LSM7: variants seen among roughly 807,000 people sequenced by gnomAD.
The protein encoded by LSM7 is LSM7 homolog, U6 small nuclear RNA and mRNA degradation associated, also known as U6 snRNA-associated Sm-like protein LSm7.
In LSM7, 13 loss-of-function variants were observed where a neutral mutation model predicts 14.1. The ratio of observed to expected loss-of-function variants is 0.92; its 90% confidence interval spans 0.60 to 1.47. The LOEUF (loss-of-function observed/expected upper bound fraction) is 1.47, where lower values mean the gene tolerates loss of function less well. Ranked by LOEUF, LSM7 falls within the 40% of genes most tolerant of loss-of-function variation. The pLI, the probability that LSM7 is intolerant of heterozygous loss-of-function variation, is 0.00. For synonymous variants in LSM7, 70 were observed against 57.1 expected (o/e 1.23, Z -1.02); for missense variants, 108 against 140.8 (o/e 0.77, Z 1.18).
chr19:2,323,138 G>C (rs571480091), intron 3 of LSM7, among the ~76,000 whole-genome samples: 1 of 152,286 alleles, frequency 6.6e-6, no homozygotes, highest in African/African-American at 2.4e-5. Flanking sequence ...GGGACTTGCC[G>C]CAGGAGCTTC....
At chr19:2,324,513 G>C (rs10402823) in intron 2 of LSM7, 1 of 410,838 alleles carries the variant, frequency 2.4e-6, no homozygotes, top group East Asian at 4.1e-5. Context: ...GCTGAACTGC[G>C]GCCGGTCAGC....
intron 3 of LSM7, among the ~76,000 whole-genome samples, chr19:2,322,919 T>C (rs1967955637): frequency 6.6e-6 from 1 of 151,372 alleles, no homozygotes; most frequent in Non-Finnish European, 1.5e-5. Flanking sequence ...GGTCTCACTA[T>C]GTTGCCCAGG....
At chr19:2,323,052 C>T (rs1304499007) in intron 3 of LSM7, among the ~76,000 whole-genome samples, 1 of 152,096 alleles carries the variant, frequency 6.6e-6, no homozygotes, top group African/African-American at 2.4e-5. Flanking sequence ...TCAATGGATC[C>T]AAGGGGCAAG....
chr19:2,326,320 G>GTGTGTGTC (rs2145125589), intron 2 of LSM7, among the ~76,000 whole-genome samples: 1 of 97,784 alleles, frequency 1.0e-5, no homozygotes, highest in East Asian at 3.4e-4. Flanking sequence ...TTTTGTGTGT[G>GTGTGTGTC]TGTGTGTGTG....
intron 3 of LSM7, among the ~76,000 whole-genome samples, chr19:2,322,683 G>C (rs1358841922): frequency 6.6e-6 from 1 of 152,200 alleles, no homozygotes; most frequent in East Asian, 1.9e-4. Context: ...TCCTGCAGTG[G>C]TGGGGGCATG....
At chr19:2,324,735 G>A (rs1967988461) in intron 2 of LSM7, 1 of 157,680 alleles carries the variant, frequency 6.3e-6, no homozygotes, top group Non-Finnish European at 1.4e-5. Context: ...TGCGCCTGAG[G>A]ACGCACCTGA....
At chr19:2,325,197 G>A (rs1164692490) in intron 2 of LSM7, among the ~76,000 whole-genome samples, 1 of 152,104 alleles carries the variant, frequency 6.6e-6, no homozygotes, top group Non-Finnish European at 1.5e-5. Context: ...TCTCTGACCC[G>A]GTGGTGATCT....
rs929289089 is a variant in LSM7, at chr19:2,321,603, C to T, written c.*77G>A. 20 of 1,293,866 alleles carry T rather than the reference C, an allele frequency of 1.5e-5. No individual in the cohort carries two copies. The African/African-American group carries it at 1.9e-4, about 12-fold the overall frequency. 80.1% of individuals were successfully genotyped at this position (1,293,866 alleles called of 1,614,324 possible). On this transcript the variant is annotated 3_prime_UTR_variant, in exon 4 of 4. Transcript: ENST00000252622. The surrounding 1 kb of genome is among the most constrained non-coding windows in gnomAD (Gnocchi z 5.0). The stretch of plus-strand genomic sequence containing the variant: ...GCTTCCGTTCCAGGAGGCGGTACTG[C>T]GGTGGGAGCAGCAGCCAAGTCCGCG...
At chr19:2,325,341 C>A (rs572638888) in intron 2 of LSM7, among the ~76,000 whole-genome samples, 2 of 152,014 alleles carry the variant, frequency 1.3e-5, no homozygotes, top group Non-Finnish European at 2.9e-5. Context: ...CTCCTGCAGC[C>A]GAGGCCCAGC....
chr19:2,324,194 T>C lies in LSM7; in HGVS notation c.100A>G (p.Ser34Gly), dbSNP rs766668227. ...GGGTCGAAGCCCTTCAGGATTCCAC[T>C]GGCTTGGAGAAATCACCGGGGGAGA... ...RVKFQGGREASGILKGFDPLL... is the reference protein window; with the variant it reads ...RVKFQGGREAGGILKGFDPLL... Residue 34 changes from serine (S) to glycine (G), a missense_variant and splice_region_variant, in exon 3 of 4, where the codon AGT becomes GGT. Coordinates refer to ENST00000252622, the MANE Select transcript of LSM7 (RefSeq NM_016199.3). The C allele has an allele frequency of 3.2e-6, 5 of 1,576,912 alleles. No homozygotes were observed. The South Asian group carries it at 5.8e-5, about 18-fold the overall frequency.
chr19:2,325,980 C>G (rs1286458154), intron 2 of LSM7: 1 of 152,324 alleles, frequency 6.6e-6, no homozygotes, highest in Non-Finnish European at 1.5e-5. Flanking sequence ...TGAAACTCAC[C>G]TATAAGATGG....
chr19:2,328,156 G>C, intron 2 of LSM7: 1 of 508,916 alleles, frequency 2.0e-6, no homozygotes, highest in Admixed American at 3.6e-5. Flanking sequence ...ATTAATTCCA[G>C]CTACTCGGGA....
At chr19:2,322,275 C>T (rs927509379) in intron 3 of LSM7, among the ~76,000 whole-genome samples, 1 of 152,088 alleles carries the variant, frequency 6.6e-6, no homozygotes, top group Non-Finnish European at 1.5e-5. Flanking sequence ...CGCGGTGGCT[C>T]ACGCCTGTAA....
rs746708473 is a variant in LSM7, at chr19:2,328,087, C to T, written c.97+300G>A. The T allele has an allele frequency of 2.2e-4, 67 of 298,046 alleles. No homozygotes were observed. In the Middle Eastern group the frequency reaches 3.1e-3, roughly 14 times the overall value. 18.5% of individuals were successfully genotyped at this position (298,046 alleles called of 1,614,324 possible). A position where few individuals can be genotyped will look rare whatever the true frequency, so the allele number is the denominator to read the frequency against. ...CTTGAGGCCAGGAGTTTGAGACCAT[C>T]CTGGCCAACATGGCCTCTCTACTAA... On this transcript the variant is annotated intron_variant, in intron 2 of 3. Coordinates refer to ENST00000252622, the MANE Select transcript of LSM7 (RefSeq NM_016199.3).
intron 2 of LSM7, chr19:2,328,135 T>G: frequency 2.2e-6 from 1 of 446,838 alleles, no homozygotes. Context: ...TAGCCGGGCG[T>G]GGTGGTACAC....
intron 2 of LSM7, among the ~76,000 whole-genome samples, chr19:2,326,312 TTGTGTGTGTGTGTGTGTGTG>T (rs145468909): frequency 0.21 from 26,991 of 129,828 alleles, 2,540 homozygotes; most frequent in East Asian, 0.26. Context: ...TTTCTGCTTT[TTGTGTGTGTGTGTGTGTGTG>T]TGTGTGTGTG....
Position 2,321,899 on chromosome 19 carries a change from C to T in LSM7, c.170-77G>A. 11 of 1,288,296 alleles carry T rather than the reference C, an allele frequency of 8.5e-6. No individual in the cohort carries two copies. Among genetic ancestry groups the T allele is most frequent in the Non-Finnish European group, 1.1e-5 (11 of 999,264 alleles). 79.8% of individuals were successfully genotyped at this position (1,288,296 alleles called of 1,614,324 possible). ...ACCCCCCACCCACCCAAGACCCTCG[C>T]TCCGACCTCCCCACCTGCACCCTGC... On this transcript the variant is annotated intron_variant, in intron 3 of 3. Coordinates refer to ENST00000252622, the MANE Select transcript of LSM7 (RefSeq NM_016199.3). This position sits in a 1 kb window ranked among gnomAD's most constrained non-coding sequence, Gnocchi z 5.0.
chr19:2,328,551 G>A lies in LSM7; in HGVS notation c.6+10C>T, dbSNP rs775318290. 8 of 1,595,772 alleles carry A rather than the reference G, an allele frequency of 5.0e-6. No individual in the cohort carries two copies. Among genetic ancestry groups the A allele is most frequent in the Admixed American group, 1.7e-5 (1 of 57,272 alleles). ...ACGCCCCCCGGCTCCAGATTCCGCC[G>A]CGCGCTCACCGCCATCTTGTCGCGC... On this transcript the variant is annotated intron_variant, in intron 1 of 3. Transcript: ENST00000252622.
At position 2,321,604 on chromosome 19, in the gene LSM7, G is replaced by C. The variant is rs549157926; in HGVS notation, c.*76C>G. On this transcript the variant is annotated 3_prime_UTR_variant, in exon 4 of 4. Coordinates refer to ENST00000252622, the MANE Select transcript of LSM7 (RefSeq NM_016199.3). This position sits in a 1 kb window ranked among gnomAD's most constrained non-coding sequence, Gnocchi z 5.0. ...CTTCCGTTCCAGGAGGCGGTACTGC[G>C]GTGGGAGCAGCAGCCAAGTCCGCGG... 2.3e-6 allele frequency: 3 copies of C among 1,297,636 alleles called. No homozygotes were observed. In the African/African-American group the frequency reaches 4.6e-5, roughly 20 times the overall value. 80.4% of individuals were successfully genotyped at this position (1,297,636 alleles called of 1,614,324 possible). A position where few individuals can be genotyped will look rare whatever the true frequency, so the allele number is the denominator to read the frequency against.
Sources: gnomAD v4.1 joint callset for allele counts (sites outside exome capture counted in the v4.1 genomes callset) on GRCh38, gnomAD v4.1.1 for gene constraint, Gnocchi (gnomAD v3.1) non-coding constraint, MANE v1.5 for transcripts, NCBI Gene and HGNC (gene_info 2026-07-23, HGNC 2026-07-21) for gene names.